EPB41L4A: variants seen among roughly 807,000 people sequenced by gnomAD.
EPB41L4A encodes the protein band 4.1-like protein 4A.
Under a neutral mutation model 108.6 loss-of-function variants are expected in EPB41L4A, and 100 were observed. That is an observed-to-expected ratio of 0.92 (90% CI 0.78 to 1.09). The LOEUF (loss-of-function observed/expected upper bound fraction) is 1.09, where lower values mean the gene tolerates loss of function less well. Ranked by LOEUF, EPB41L4A falls within the 50% of genes least tolerant of loss-of-function variation. The probability of loss-of-function intolerance (pLI) is 0.00; values close to 1 mark genes in which losing one functional copy is unlikely to be tolerated. For synonymous variants in EPB41L4A, 319 were observed against 289.0 expected, an observed-to-expected ratio of 1.10 and a Z score of -1.05; for missense variants, 1,030 against 842.7, an observed-to-expected ratio of 1.22 and a Z score of -2.75.
rs1561607589 is a variant in EPB41L4A at position 112,361,709 on chromosome 5, A to AT, written c.100-54220_100-54219insA. On this transcript the variant is annotated intron_variant, in intron 1 of 22. Coordinates refer to ENST00000261486, the MANE Select transcript of EPB41L4A (RefSeq NM_022140.5). The stretch of plus-strand genomic sequence containing the variant: ...AAAAGAACACCAAAAATGCTAAAAA[A>AT]AAATAATAATAATAATAATAATAAT... Among the ~76,000 whole-genome samples, 125 of 77,846 alleles carry AT rather than the reference A, an allele frequency of 1.6e-3. 1 individual carries two copies. Among genetic ancestry groups the AT allele is most frequent in the Admixed American group, 2.3e-3 (15 of 6,598 alleles). 51.1% of individuals were successfully genotyped at this position (77,846 alleles called of 152,430 possible). A position where few individuals can be genotyped will look rare whatever the true frequency, so the allele number is the denominator to read the frequency against.
At chr5:112,341,674 G>C (rs2150701224) in intron 1 of EPB41L4A, among the ~76,000 whole-genome samples, 1 of 152,220 alleles carries the variant, frequency 6.6e-6, no homozygotes, top group East Asian at 1.9e-4. Context: ...CACTTTGGGA[G>C]GCTGAGGCAG....
intron 1 of EPB41L4A, among the ~76,000 whole-genome samples, chr5:112,346,412 T>C (rs1580729484): frequency 6.6e-6 from 1 of 151,688 alleles, no homozygotes; most frequent in African/African-American, 2.4e-5. Flanking sequence ...TTAGTAGAGA[T>C]GGGGTTTCAC....
rs1761315690 is a variant in EPB41L4A at position 112,184,265 on chromosome 5, C to A, written c.1503-130G>T. 4.9e-6 allele frequency: 5 copies of A among 1,016,638 alleles called. No homozygotes were observed. In the African/African-American group the frequency reaches 6.5e-5, roughly 13 times the overall value. 63.0% of individuals were successfully genotyped at this position (1,016,638 alleles called of 1,614,324 possible). ...TTATGATCATTTATAGCTAAAGATG[C>A]ATATTAACTGAATTAATATATCCAT... is the stretch of plus-strand genomic sequence containing the variant. On this transcript the variant is annotated intron_variant, in intron 17 of 22. Transcript: ENST00000261486.
At chr5:112,341,819 G>A (rs182321295) in intron 1 of EPB41L4A, among the ~76,000 whole-genome samples, 82 of 151,842 alleles carry the variant, frequency 5.4e-4, no homozygotes, top group Non-Finnish European at 9.9e-4. Flanking sequence ...CCATAACTAC[G>A]TCTTGAATAA....
intron 12 of EPB41L4A, among the ~76,000 whole-genome samples, chr5:112,223,025 G>A (rs974650344): frequency 6.7e-6 from 1 of 150,266 alleles, no homozygotes; most frequent in African/African-American, 2.5e-5. Context: ...TGCAACCTCT[G>A]CCTCCCGGGT....
At chr5:112,165,298 GTATT>G (rs1277427187) in intron 22 of EPB41L4A, among the ~76,000 whole-genome samples, 180 bp from the exon 23 acceptor site, 2 of 152,134 alleles carry the variant, frequency 1.3e-5, no homozygotes, top group African/African-American at 4.8e-5. Flanking sequence ...AATAAAGTTT[GTATT>G]TAAACTTTAA....
chr5:112,414,756 T>G (rs1762608753), intron 1 of EPB41L4A, among the ~76,000 whole-genome samples: 1 of 152,218 alleles, frequency 6.6e-6, no homozygotes, highest in African/African-American at 2.4e-5. Flanking sequence ...AATAATTTTT[T>G]TCAAGAAAAA....
intron 1 of EPB41L4A, among the ~76,000 whole-genome samples, chr5:112,383,514 T>C (rs961137521): frequency 3.3e-5 from 5 of 152,140 alleles, no homozygotes; most frequent in Non-Finnish European, 7.4e-5. Context: ...CAAAATGAAA[T>C]GACAGGTTTA....
intron 1 of EPB41L4A, among the ~76,000 whole-genome samples, chr5:112,319,549 C>T (rs989145415): frequency 6.6e-6 from 1 of 152,114 alleles, no homozygotes; most frequent in African/African-American, 2.4e-5. Context: ...GCAAAAAATA[C>T]AGAATCACTT....
intron 9 of EPB41L4A, among the ~76,000 whole-genome samples, chr5:112,251,520 A>T (rs1046415385): frequency 2.0e-5 from 3 of 152,168 alleles, no homozygotes; most frequent in African/African-American, 7.2e-5. Flanking sequence ...AAAAAACCCC[A>T]ACACAGTACA....
intron 22 of EPB41L4A, among the ~76,000 whole-genome samples, chr5:112,166,646 T>G (rs1760266767): frequency 6.6e-6 from 1 of 152,250 alleles, no homozygotes; most frequent in Non-Finnish European, 1.5e-5. Flanking sequence ...AGGCATTTCT[T>G]TGTAATGCAT....
At chr5:112,340,117 C>T (rs1757215492) in intron 1 of EPB41L4A, among the ~76,000 whole-genome samples, 1 of 152,156 alleles carries the variant, frequency 6.6e-6, no homozygotes, top group Admixed American at 6.5e-5. Context: ...TCGACCCCGC[C>T]CTTTCAACAA....
chr5:112,245,247 T>C (rs927217745), intron 9 of EPB41L4A, among the ~76,000 whole-genome samples: 9 of 152,198 alleles, frequency 5.9e-5, no homozygotes, highest in South Asian at 4.1e-4. Context: ...GTTATATACT[T>C]GCTAATTTAA....
downstream of EPB41L4A, chr5:112,158,328 A>G: frequency 4.2e-6 from 1 of 239,304 alleles, no homozygotes; most frequent in Admixed American, 4.8e-5. Flanking sequence ...TACCACACAC[A>G]ATGCTACGTG....
intron 18 of EPB41L4A, chr5:112,175,262 C>T (rs902144337): frequency 6.6e-6 from 1 of 152,196 alleles, no homozygotes; most frequent in African/African-American, 2.4e-5. Flanking sequence ...TTCCAAATAT[C>T]CCACTGAGTA....
chr5:112,222,402 A>G (rs1748131795), intron 12 of EPB41L4A, among the ~76,000 whole-genome samples: 1 of 152,190 alleles, frequency 6.6e-6, no homozygotes, highest in African/African-American at 2.4e-5. Context: ...TCCATGCCTC[A>G]GTTTCCTCAT....
chr5:112,375,270 A>G (rs1759738897), intron 1 of EPB41L4A, among the ~76,000 whole-genome samples: 1 of 151,618 alleles, frequency 6.6e-6, no homozygotes, highest in African/African-American at 2.4e-5. Flanking sequence ...AAACCTAACT[A>G]TCTTGAAGAC....
chr5:112,389,642 C>A (rs912801526), intron 1 of EPB41L4A, among the ~76,000 whole-genome samples: 1 of 152,188 alleles, frequency 6.6e-6, no homozygotes, highest in Admixed American at 6.5e-5. Context: ...TTTGTTGTTT[C>A]TGCCTTCTTT....
chr5:112,304,926 G>C (rs1184566634), intron 2 of EPB41L4A, among the ~76,000 whole-genome samples: 1 of 152,114 alleles, frequency 6.6e-6, no homozygotes, highest in East Asian at 1.9e-4. Context: ...TGACTCCCAA[G>C]GCAGCTATCC....
Sources: allele counts gnomAD v4.1 joint callset (sites outside exome capture counted in the v4.1 genomes callset), GRCh38; gene constraint gnomAD v4.1.1; transcripts MANE v1.5; gene names NCBI Gene and HGNC (gene_info 2026-07-23, HGNC 2026-07-21).